FBXW10: variants seen among roughly 807,000 people sequenced by gnomAD.
FBXW10 encodes the protein F-box and WD repeat domain containing 10, also known as F-box/WD repeat-containing protein 10.
In FBXW10, 68 loss-of-function variants were observed where a neutral mutation model predicts 113.1. The ratio of observed to expected loss-of-function variants is 0.60; its 90% confidence interval spans 0.49 to 0.74. The LOEUF is 0.74. FBXW10 is among the 30% of genes least tolerant of loss of function. The pLI, the probability that FBXW10 is intolerant of heterozygous loss-of-function variation, is 0.00. For missense variants in FBXW10, 753 were observed against 1,284.5 expected (o/e 0.59, Z 6.32); for synonymous variants, 289 against 481.6 (o/e 0.60, Z 5.24).
intron 9 of FBXW10, among the ~76,000 whole-genome samples, chr17:18,768,242 A>C (rs1225446270): frequency 6.6e-6 from 1 of 151,630 alleles, no homozygotes. Flanking sequence ...TAATTTTTGT[A>C]TTTTTAGTAG....
intron 11 of FBXW10, among the ~76,000 whole-genome samples, chr17:18,770,299 A>G (rs1241508867): frequency 9.3e-6 from 1 of 108,004 alleles, no homozygotes; most frequent in East Asian, 2.6e-4. Context: ...TCAACTGTTC[A>G]TTTTGACTTT....
intron 12 of FBXW10, among the ~76,000 whole-genome samples, chr17:18,772,997 T>C (rs1455573227): frequency 6.6e-6 from 1 of 151,492 alleles, no homozygotes; most frequent in Non-Finnish European, 1.5e-5. Flanking sequence ...GGCACAATCT[T>C]GGCTCACCGC....
At position 18,768,520 on chromosome 17, in the gene FBXW10, A is replaced by G. The variant is rs2035547669; in HGVS notation, c.1705-14A>G. The G allele has an allele frequency of 6.2e-7, 1 of 1,613,690 alleles. No homozygotes were observed. The highest frequency in any genetic ancestry group is 8.5e-7 in the Non-Finnish European group (1 of 1,179,886). ...CACAGTCTGAGTTGAAGACAGTGGT[A>G]TCTTTTCTTGCAGACTCTCAGTGGC... On this transcript the variant is annotated splice_polypyrimidine_tract_variant and intron_variant, in intron 9 of 13. Coordinates refer to ENST00000395665, the MANE Select transcript of FBXW10 (RefSeq NM_001267585.2).
At chr17:18,768,359 C>A (rs1236830576) in intron 9 of FBXW10, among the ~76,000 whole-genome samples, 175 bp from the exon 10 acceptor site, 1 of 152,168 alleles carries the variant, frequency 6.6e-6, no homozygotes, top group Non-Finnish European at 1.5e-5. Context: ...AGCCACCGCA[C>A]CCGGCCTCCA....
intron 3 of FBXW10, 41 bp downstream of exon 3, chr17:18,749,963 C>G (rs200711350): frequency 3.1e-6 from 5 of 1,613,504 alleles, no homozygotes; most frequent in South Asian, 2.2e-5. Context: ...GACACCTCCC[C>G]TCTTGGCCCA....
chr17:18,764,034 T>C (rs1171132490), intron 7 of FBXW10, among the ~76,000 whole-genome samples: 1 of 146,016 alleles, frequency 6.8e-6, no homozygotes, highest in South Asian at 2.3e-4. Context: ...GCAGCATCTC[T>C]GGATTCTATG....
chr17:18,748,306 G>C (rs1290428511), intron 2 of FBXW10, among the ~76,000 whole-genome samples: 2 of 150,002 alleles, frequency 1.3e-5, no homozygotes, highest in African/African-American at 4.9e-5. Context: ...TGTAGTCCCA[G>C]CTACTGAGGC....
At chr17:18,747,080 A>G (rs1385707830) in intron 1 of FBXW10, among the ~76,000 whole-genome samples, 3 of 151,824 alleles carry the variant, frequency 2.0e-5, no homozygotes, top group African/African-American at 7.3e-5. Flanking sequence ...GCCCGCCACC[A>G]CGCCCGGCTA....
At chr17:18,758,958 G>A (rs1475768171) in intron 7 of FBXW10, among the ~76,000 whole-genome samples, 13 of 152,026 alleles carry the variant, frequency 8.6e-5, no homozygotes, top group Non-Finnish European at 1.9e-4. Flanking sequence ...ACGAGGTCAG[G>A]AAATCAAGAC....
At chr17:18,775,872 T>A (rs553835798) in intron 13 of FBXW10, among the ~76,000 whole-genome samples, 4 of 151,878 alleles carry the variant, frequency 2.6e-5, no homozygotes, top group Non-Finnish European at 5.9e-5. Flanking sequence ...CTACCAAAAA[T>A]TCAAAAAATT....
chr17:18,763,727 G>C (rs1236446156), intron 7 of FBXW10, among the ~76,000 whole-genome samples: 1 of 152,162 alleles, frequency 6.6e-6, no homozygotes, highest in Non-Finnish European at 1.5e-5. Context: ...CTATCTCTTA[G>C]ATATGCTCTA....
intron 12 of FBXW10, among the ~76,000 whole-genome samples, chr17:18,772,955 T>A (rs1597605216): frequency 6.7e-6 from 1 of 148,692 alleles, no homozygotes; most frequent in East Asian, 2.0e-4. Context: ...TGAGATGGAG[T>A]TTCGCTCTTG....
chr17:18,748,363 A>G (rs2035085969), intron 2 of FBXW10, among the ~76,000 whole-genome samples: 1 of 146,288 alleles, frequency 6.8e-6, no homozygotes, highest in Admixed American at 7.1e-5. Context: ...GTGAGCCGAG[A>G]TCATGCCACT....
intron 5 of FBXW10, among the ~76,000 whole-genome samples, chr17:18,755,427 C>T (rs80299551): frequency 0.039 from 4,632 of 120,236 alleles, no homozygotes; most frequent in East Asian, 0.11. Flanking sequence ...TGGTGGTGCA[C>T]GCTTGTAGTC....
intron 7 of FBXW10, 106 bp from the exon 8 acceptor site, chr17:18,764,636 G>A: frequency 1.3e-6 from 2 of 1,550,498 alleles, no homozygotes; most frequent in Non-Finnish European, 1.7e-6. Context: ...GCTGAACCAT[G>A]AGAATCTGCT....
chr17:18,757,987 G>T (rs1461442283), intron 6 of FBXW10, among the ~76,000 whole-genome samples: 1 of 151,988 alleles, frequency 6.6e-6, no homozygotes, highest in Non-Finnish European at 1.5e-5. Context: ...AAAGGTTTCC[G>T]TGATCAATTA....
At chr17:18,774,584 G>A (rs975068893) in intron 12 of FBXW10, among the ~76,000 whole-genome samples, 4 of 151,810 alleles carry the variant, frequency 2.6e-5, no homozygotes, top group East Asian at 1.9e-4. Context: ...ACCTGAGGTC[G>A]GGAGTTTGAG....
chr17:18,769,970 G>C lies in FBXW10; in HGVS notation c.1891G>C (p.Ala631Pro), dbSNP rs371753550. The C allele has an allele frequency of 6.2e-7, 1 of 1,614,090 alleles. No individual in the cohort carries two copies. The highest frequency in any genetic ancestry group is 1.7e-5 in the Admixed American group (1 of 60,006). ...VSLLFLRVIS[A>P]CADGKIRIYN... ...CCTTCTCTTCCTCCGGGTCATCAGC[G>C]CCTGTGCAGATGGCAAGATCCGAAT... Residue 631 changes from alanine to proline, a missense_variant, in exon 11 of 14, where the codon GCC (alanine) becomes CCC (proline). Transcript: ENST00000395665.
In FBXW10 at chr17:18,766,776, A is replaced by G. The variant is rs1023839342; in HGVS notation, c.1618A>G (p.Thr540Ala). 2 of 1,612,894 alleles carry G rather than the reference A, an allele frequency of 1.2e-6. No individual in the cohort carries two copies. The highest frequency in any genetic ancestry group is 2.7e-5 in the African/African-American group (2 of 74,886). Residue 540 changes from threonine to alanine, a missense_variant, in exon 9 of 14, where the codon ACC becomes GCC. Thr to Ala is a moderately conservative substitution (Grantham distance 58, BLOSUM62 0). Transcript: ENST00000395665. ...TAGACACAAAGACCCCATCTTGGCC[A>G]CCAGGATCAATGATACCTACATTGT... ...TFRHKDPILA[T>A]RINDTYIVSS...
Sources: allele counts gnomAD v4.1 joint callset (sites outside exome capture counted in the v4.1 genomes callset), GRCh38; gene constraint gnomAD v4.1.1; transcripts MANE v1.5; gene names NCBI Gene and HGNC (gene_info 2026-07-23, HGNC 2026-07-21).